NLRP7: variants seen among roughly 807,000 people sequenced by gnomAD.
NLRP7 encodes the protein NACHT, LRR and PYD domains-containing protein 7.
In NLRP7, 72 loss-of-function variants were observed where a neutral mutation model predicts 85.5. The ratio of observed to expected loss-of-function variants is 0.84; its 90% CI spans 0.70 to 1.02. NLRP7 has a LOEUF of 1.02. Ranked by LOEUF, NLRP7 falls within the 50% of genes least tolerant of loss-of-function variation. The probability of loss-of-function intolerance (pLI) is 0.00; values close to 1 mark genes in which losing one functional copy is unlikely to be tolerated. For synonymous variants in NLRP7, 550 were observed against 505.2 expected (o/e 1.09, Z -1.19); for missense variants, 1,243 against 1,219.5 (o/e 1.02, Z -0.29).
chr19:54,955,652 T>C (rs532984297), intron 1 of NLRP7, among the ~76,000 whole-genome samples: 1 of 151,792 alleles, frequency 6.6e-6, no homozygotes, highest in African/African-American at 2.4e-5. Flanking sequence ...AGCCAGGAGG[T>C]CGTGGGCGCC....
At chr19:54,948,437 G>T (rs372596570), upstream of NLRP7, among the ~76,000 whole-genome samples, 1 of 152,132 alleles carries the variant, frequency 6.6e-6, no homozygotes, top group African/African-American at 2.4e-5. Context: ...TGTAATCCCA[G>T]CTATTCAGGA....
chr19:54,936,191 T>C (rs746964435), intron 6 of NLRP7, 70 bp downstream of exon 6: 31 of 1,424,304 alleles, frequency 2.2e-5, no homozygotes, highest in Non-Finnish European at 3.0e-5. Flanking sequence ...TTACCCTTTT[T>C]CCTAGATCCC....
At chr19:54,923,515 G>C (rs141238155) in exon 10 of NLRP7, 1 of 598,576 alleles carries the variant, frequency 1.7e-6, no homozygotes, top group African/African-American at 1.9e-5. Context: ...CAGCTGCAAC[G>C]AGAGTGCTCT....
intron 1 of NLRP7, among the ~76,000 whole-genome samples, chr19:54,954,159 T>TA (rs1325980940): frequency 6.7e-6 from 1 of 149,138 alleles, no homozygotes; most frequent in Non-Finnish European, 1.5e-5. Context: ...GTCAGGAAGT[T>TA]ACCCTATGCT....
chr19:54,947,473 C>G, exon 1 of NLRP7: 1 of 1,289,754 alleles, frequency 7.8e-7, no homozygotes, highest in African/African-American at 1.5e-5. Context: ...ACTCACCTCC[C>G]TCAGGTCAGG....
intron 1 of NLRP7, among the ~76,000 whole-genome samples, chr19:54,943,577 G>A (rs556003725): frequency 2.0e-5 from 3 of 151,446 alleles, no homozygotes; most frequent in African/African-American, 7.3e-5. Context: ...CTCCAGCCTG[G>A]GCGACAGAGC....
chr19:54,928,928 G>A (rs1295087717), intron 9 of NLRP7, among the ~76,000 whole-genome samples: 6 of 151,844 alleles, frequency 4.0e-5, no homozygotes, highest in South Asian at 2.1e-4. Flanking sequence ...CCAGCCTCCC[G>A]AGAATCTAGG....
rs545157037 is a variant in NLRP7 at position 54,941,138 on chromosome 19, C to A, written c.278-133G>T. The A allele has an allele frequency of 4.7e-4, 365 of 778,224 alleles. 1 individual carries two copies. The African/African-American group carries it at 5.7e-3, about 12-fold the overall frequency. 48.2% of individuals were successfully genotyped at this position (778,224 alleles called of 1,614,324 possible). A position where few individuals can be genotyped will look rare whatever the true frequency, so the allele number is the denominator to read the frequency against. ...CAGCACTTTGGAAGGCTGAGGTGGGCGGATCACAAGGTCAGGAGATCAAGA... is the reference window on the plus strand; with the variant it reads ...CAGCACTTTGGAAGGCTGAGGTGGGAGGATCACAAGGTCAGGAGATCAAGA... On this transcript the variant is annotated intron_variant, in intron 2 of 9. Coordinates refer to ENST00000340844, the Ensembl canonical transcript of NLRP7.
upstream of NLRP7, chr19:54,949,015 C>T (rs953677135): frequency 6.5e-6 from 1 of 154,222 alleles, no homozygotes; most frequent in Non-Finnish European, 1.4e-5. Flanking sequence ...TGGTGGCTCA[C>T]ACCTGTAATC....
At chr19:54,957,793 A>G (rs1366557614) in intron 1 of NLRP7, among the ~76,000 whole-genome samples, 2 of 152,194 alleles carry the variant, frequency 1.3e-5, no homozygotes, top group African/African-American at 4.8e-5. Flanking sequence ...AATGTAATTC[A>G]TAGCCCATCC....
rs1436037598 is a variant in NLRP7 at position 54,934,449 on chromosome 19, A to C, written c.2471+40T>G. The C allele has an allele frequency of 3.1e-6, 5 of 1,607,642 alleles. No homozygotes were observed. The highest frequency in any genetic ancestry group is 1.3e-5 in the African/African-American group (1 of 74,792). On this transcript the variant is annotated intron_variant, in intron 7 of 9. Coordinates refer to ENST00000340844, the Ensembl canonical transcript of NLRP7. The surrounding 1 kb of genome is among the most constrained non-coding windows in gnomAD (Gnocchi z 6.7). ...GTTACCCTTTCTCTTCTATAGCCCC[A>C]GAACTAAACCAGAGCTGCCCATGGG...
rs142294470 is a variant in NLRP7, at chr19:54,934,011, C to G, written c.2472-272G>C. 2.6e-5 allele frequency among the ~76,000 whole-genome samples: 4 copies of G among 152,178 alleles called. No individual in the cohort carries two copies. Among genetic ancestry groups the G allele is most frequent in the African/African-American group, 9.6e-5 (4 of 41,454 alleles). The stretch of plus-strand genomic sequence containing the variant: ...AGGCTGGAGTGCAGTGGCGCGATCT[C>G]GGTTCACTGCCAATCGCCGCCTCCC... On this transcript the variant is annotated intron_variant, in intron 7 of 9. Transcript: ENST00000340844. This position sits in a 1 kb window ranked among gnomAD's most constrained non-coding sequence, Gnocchi z 6.7.
chr19:54,952,451 G>A (rs569562035), upstream of NLRP7, among the ~76,000 whole-genome samples: 51 of 152,026 alleles, frequency 3.4e-4, 1 homozygote, highest in South Asian at 2.3e-3. Context: ...AAAATTAGTC[G>A]GGCGTGGTAG....
At chr19:54,941,771 A>C (rs1356936554) in intron 1 of NLRP7, 21 bp from the exon 2 acceptor site, 8 of 1,553,930 alleles carry the variant, frequency 5.1e-6, no homozygotes, top group Non-Finnish European at 5.2e-6. Context: ...AAAAGGAAAA[A>C]CAGTTCACGA....
exon 4 of NLRP7, chr19:54,940,277 C>A (rs368044632): frequency 6.2e-7 from 1 of 1,614,152 alleles, no homozygotes; most frequent in Admixed American, 1.7e-5. Flanking sequence ...TTTCCCCACG[C>A]CTGCGGGGCC....
intron 4 of NLRP7, 104 bp from the exon 5 acceptor site, chr19:54,938,345 C>T (rs2069035525): frequency 1.2e-6 from 1 of 861,554 alleles, no homozygotes; most frequent in Admixed American, 1.9e-5. Flanking sequence ...ACTTTTGCAC[C>T]AACCTAAAAC....
intron 1 of NLRP7, 84 bp from the exon 2 acceptor site, chr19:54,941,834 T>TACAGCAGGAACAG: frequency 2.0e-6 from 2 of 1,024,816 alleles, no homozygotes; most frequent in Non-Finnish European, 2.8e-6. Context: ...AACAAGACTG[T>TACAGCAGGAACAG]TCCTGCTGTA....
At chr19:54,941,039 A>G (rs771531339) in intron 2 of NLRP7, 34 bp from the exon 3 acceptor site, 1 of 1,416,608 alleles carries the variant, frequency 7.1e-7, no homozygotes, top group South Asian at 1.2e-5. Flanking sequence ...CTGACACAGT[A>G]ATTTACACTT....
Position 54,934,021 on chromosome 19 carries a change from C to CA in NLRP7, c.2472-283_2472-282insT, listed in dbSNP as rs2068786097. 1.3e-5 allele frequency among the ~76,000 whole-genome samples: 2 copies of CA among 152,184 alleles called. No individual in the cohort carries two copies. Among genetic ancestry groups the CA allele is most frequent in the African/African-American group, 2.4e-5 (1 of 41,460 alleles). ...GCAGTGGCGCGATCTCGGTTCACTG[C>CA]CAATCGCCGCCTCCCAGGTTTACAC... On this transcript the variant is annotated intron_variant, in intron 7 of 9. Coordinates refer to ENST00000340844, the Ensembl canonical transcript of NLRP7. This position sits in a 1 kb window ranked among gnomAD's most constrained non-coding sequence, Gnocchi z 6.7.
Sources: allele counts gnomAD v4.1 joint callset (sites outside exome capture counted in the v4.1 genomes callset), GRCh38; gene constraint gnomAD v4.1.1; non-coding constraint Gnocchi (gnomAD v3.1); transcripts MANE v1.5; gene names NCBI Gene and HGNC (gene_info 2026-07-23, HGNC 2026-07-21).